Variants in BRAF observed in about 807,000 individuals in gnomAD.
The protein encoded by BRAF is serine/threonine-protein kinase B-raf.
A neutral mutation model predicts 104.6 loss-of-function variants in BRAF; 16 were observed. The ratio of observed to expected loss-of-function variants is 0.15; its 90% CI spans 0.10 to 0.23. The LOEUF (loss-of-function observed/expected upper bound fraction) is 0.23. Ranked by LOEUF, BRAF falls within the 10% of genes least tolerant of loss-of-function variation. The pLI, the probability that BRAF is intolerant of heterozygous loss-of-function variation, is 1.00. For synonymous variants in BRAF, 310 were observed against 341.6 expected, an observed-to-expected ratio of 0.91 and a Z score of 1.02; for missense variants, 541 against 937.3, an observed-to-expected ratio of 0.58 and a Z score of 5.52.
intron 17 of BRAF, among the ~76,000 whole-genome samples, chr7:140,746,083 C>A (rs1041501438): frequency 1.3e-5 from 2 of 152,152 alleles, no homozygotes; most frequent in South Asian, 4.1e-4. Context: ...AGGTAAGAAT[C>A]TTCCTCACAG....
intron 1 of BRAF, among the ~76,000 whole-genome samples, chr7:140,880,318 T>C (rs747010708): frequency 6.6e-6 from 1 of 152,238 alleles, no homozygotes; most frequent in South Asian, 2.1e-4. Flanking sequence ...AGAAGCAACT[T>C]CTCATTTCTT....
intron 1 of BRAF, among the ~76,000 whole-genome samples, chr7:140,850,684 T>C (rs1251188122): frequency 6.6e-6 from 1 of 152,212 alleles, no homozygotes; most frequent in African/African-American, 2.4e-5. Context: ...CACGTCAATA[T>C]GCATATATTT....
intron 19 of BRAF, among the ~76,000 whole-genome samples, chr7:140,727,357 T>A (rs1336677740): frequency 6.6e-6 from 1 of 152,028 alleles, no homozygotes; most frequent in African/African-American, 2.4e-5. Context: ...CTAATTTTTG[T>A]ATTTTTAGTA....
chr7:140,760,975 A>T (rs969409025), intron 14 of BRAF, among the ~76,000 whole-genome samples: 1 of 152,212 alleles, frequency 6.6e-6, no homozygotes, highest in Non-Finnish European at 1.5e-5. Context: ...GCAGGATATT[A>T]TCCAGGAGAA....
rs191527858 is a variant in BRAF, at chr7:140,744,001, G to A, written c.2113-4055C>T. On this transcript the variant is annotated intron_variant, in intron 17 of 19. Coordinates refer to ENST00000644969, the MANE Select transcript of BRAF (RefSeq NM_001374258.1). Reference sequence around the variant, plus strand: ...CAGATGATTGAGTGATATATAGTATGTGGTAAAGAATTAACCTTGCCCAAA... The same window carrying A: ...CAGATGATTGAGTGATATATAGTATATGGTAAAGAATTAACCTTGCCCAAA... 1.1e-4 allele frequency among the ~76,000 whole-genome samples: 17 copies of A among 152,350 alleles called. No individual in the cohort carries two copies. The South Asian group carries it at 1.4e-3, about 13-fold the overall frequency.
chr7:140,801,682 T>C (rs1325138513), intron 5 of BRAF, 122 bp from the exon 6 acceptor site: 4 of 1,064,706 alleles, frequency 3.8e-6, no homozygotes, highest in Non-Finnish European at 5.5e-6. Context: ...GAAACTCACA[T>C]ACTAAAGTAC....
At chr7:140,820,872 G>A (rs561022316) in intron 3 of BRAF, among the ~76,000 whole-genome samples, 2 of 152,306 alleles carry the variant, frequency 1.3e-5, no homozygotes, top group South Asian at 4.2e-4. Context: ...AGTCAAGGCT[G>A]CAGTTAGCTG....
intron 1 of BRAF, among the ~76,000 whole-genome samples, chr7:140,920,884 C>G (rs949086113): frequency 2.6e-5 from 4 of 152,156 alleles, no homozygotes; most frequent in Admixed American, 1.3e-4. Context: ...TAAGTATTAA[C>G]AGCAATAGCC....
At chr7:140,744,623 A>T (rs1797200472) in intron 17 of BRAF, among the ~76,000 whole-genome samples, 1 of 152,136 alleles carries the variant, frequency 6.6e-6, no homozygotes, top group South Asian at 2.1e-4. Flanking sequence ...ATTTAGATAA[A>T]ATTTCTCAGT....
At chr7:140,873,468 C>A (rs912035072) in intron 1 of BRAF, among the ~76,000 whole-genome samples, 1 of 152,188 alleles carries the variant, frequency 6.6e-6, no homozygotes, top group Non-Finnish European at 1.5e-5. Flanking sequence ...CCATGCCCAG[C>A]CATCTGTGGC....
At chr7:140,853,424 C>T (rs1460686659) in intron 1 of BRAF, among the ~76,000 whole-genome samples, 1 of 152,088 alleles carries the variant, frequency 6.6e-6, no homozygotes, top group Non-Finnish European at 1.5e-5. Flanking sequence ...CAAAACCCTC[C>T]ACTGGCTTCC....
intron 19 of BRAF, chr7:140,733,844 A>G: frequency 3.0e-6 from 1 of 328,618 alleles, no homozygotes; most frequent in Non-Finnish European, 4.4e-6. Flanking sequence ...GTTTGCAACA[A>G]AATTTGACTT....
At chr7:140,738,276 C>T (rs767805147) in intron 18 of BRAF, among the ~76,000 whole-genome samples, 2 of 152,172 alleles carry the variant, frequency 1.3e-5, no homozygotes, top group Non-Finnish European at 2.9e-5. Flanking sequence ...CTTGTTAAAA[C>T]CATCAATTTT....
At chr7:140,839,148 G>A (rs1454450395) in intron 2 of BRAF, among the ~76,000 whole-genome samples, 2 of 151,952 alleles carry the variant, frequency 1.3e-5, no homozygotes, top group African/African-American at 4.8e-5. Context: ...GAAGAATGAA[G>A]TTGGGCTACT....
intron 1 of BRAF, among the ~76,000 whole-genome samples, chr7:140,869,167 G>A (rs1171026600): frequency 6.6e-6 from 1 of 152,118 alleles, no homozygotes; most frequent in African/African-American, 2.4e-5. Context: ...TGTAAAACAG[G>A]AGCTGGGTAT....
chr7:140,721,133 TAC>T lies in BRAF; in HGVS notation c.*5359_*5360del. On this transcript the variant is annotated 3_prime_UTR_variant, in exon 20 of 20. Coordinates refer to ENST00000644969, the MANE Select transcript of BRAF (RefSeq NM_001374258.1). ...CTGGCTTACATTGGCTGTGTCCTCA[TAC>T]ACACTCGTCAAGTCACTATAATTAT... The T allele has an allele frequency of 9.4e-7, 1 of 1,063,842 alleles. No homozygotes were observed. The highest frequency in any genetic ancestry group is 1.1e-6 in the Non-Finnish European group (1 of 878,002). The allele number at this position is 1,063,842 out of a possible 1,614,324, so 65.9% of individuals were successfully genotyped here.
intron 2 of BRAF, among the ~76,000 whole-genome samples, chr7:140,844,468 T>C (rs1311958771): frequency 3.3e-5 from 5 of 152,242 alleles, no homozygotes; most frequent in African/African-American, 4.8e-5. Context: ...GTCTTTCCTG[T>C]TGACAGCTTT....
At chr7:140,849,147 G>C (rs1808880949) in intron 2 of BRAF, among the ~76,000 whole-genome samples, 1 of 152,190 alleles carries the variant, frequency 6.6e-6, no homozygotes, top group Non-Finnish European at 1.5e-5. Flanking sequence ...GGGTAGTAGT[G>C]AGCAGTGTGG....
intron 6 of BRAF, chr7:140,801,168 G>A (rs1450654546): frequency 2.3e-6 from 1 of 442,562 alleles, no homozygotes; most frequent in Non-Finnish European, 4.0e-6. Context: ...TATGGGTTAG[G>A]GGTCTTGATT....
Sources: allele counts gnomAD v4.1 joint callset (sites outside exome capture counted in the v4.1 genomes callset), GRCh38; gene constraint gnomAD v4.1.1; transcripts MANE v1.5; gene names NCBI Gene and HGNC (gene_info 2026-07-23, HGNC 2026-07-21).